Variants in SCFD2 observed in about 807,000 individuals in gnomAD.
SCFD2 encodes sec1 family domain-containing protein 2.
A neutral mutation model predicts 58.9 loss-of-function variants in SCFD2; 54 were observed. The ratio of observed to expected loss-of-function variants is 0.92; its 90% CI spans 0.74 to 1.15. The LOEUF (loss-of-function observed/expected upper bound fraction) is 1.15. SCFD2 is among the 50% of genes most tolerant of loss of function. The probability of loss-of-function intolerance (pLI) is 0.00; values close to 1 mark genes in which losing one functional copy is unlikely to be tolerated. For synonymous variants in SCFD2, 321 were observed against 335.9 expected (o/e 0.96, Z 0.49); for missense variants, 805 against 836.6 (o/e 0.96, Z 0.47).
chr4:52,965,679 C>T (rs1415239051), intron 5 of SCFD2, among the ~76,000 whole-genome samples: 1 of 152,188 alleles, frequency 6.6e-6, no homozygotes, highest in Non-Finnish European at 1.5e-5. Flanking sequence ...AGCCAGCAAG[C>T]CTGGCTGGGT....
chr4:52,896,761 A>G (rs1027712463), intron 7 of SCFD2, among the ~76,000 whole-genome samples: 2 of 152,158 alleles, frequency 1.3e-5, no homozygotes, highest in Non-Finnish European at 2.9e-5. Context: ...CAGCATGGCC[A>G]TTTTCACGAT....
At chr4:52,908,320 C>T (rs547802148) in intron 6 of SCFD2, among the ~76,000 whole-genome samples, 11 of 152,336 alleles carry the variant, frequency 7.2e-5, no homozygotes, top group African/African-American at 2.6e-4. Context: ...TGACCCTGCG[C>T]TTTCTGAGCT....
intron 5 of SCFD2, among the ~76,000 whole-genome samples, chr4:52,955,548 G>A (rs1720692127): frequency 6.6e-6 from 1 of 152,216 alleles, no homozygotes; most frequent in South Asian, 2.1e-4. Context: ...GAGGCACAGA[G>A]GGGTTAAGTG....
At chr4:52,969,318 A>G (rs1224518820) in intron 5 of SCFD2, among the ~76,000 whole-genome samples, 1 of 152,246 alleles carries the variant, frequency 6.6e-6, no homozygotes, top group Non-Finnish European at 1.5e-5. Flanking sequence ...AGTAAGTATC[A>G]TTGAATAATT....
intron 5 of SCFD2, among the ~76,000 whole-genome samples, chr4:53,100,678 C>G (rs1724808356): frequency 6.6e-6 from 1 of 152,128 alleles, no homozygotes; most frequent in Non-Finnish European, 1.5e-5. Flanking sequence ...ATAAGGCTCC[C>G]TATGGAATCA....
rs573309695 is a variant in SCFD2 at position 53,298,833 on chromosome 4, AG to A, written c.1135+14802del. Among the ~76,000 whole-genome samples the A allele has an allele frequency of 1.5e-3, 232 of 152,266 alleles. 3 individuals carry two copies. Among genetic ancestry groups the A allele is most frequent in the Admixed American group, 0.014 (214 of 15,288 alleles). ...CACCGCTGCTGATACCCAGGCAAAA[AG>A]GGTCTGGAGTGGACCTCCAGTAAAC... On this transcript the variant is annotated intron_variant, in intron 3 of 8. Coordinates refer to ENST00000401642, the MANE Select transcript of SCFD2 (RefSeq NM_152540.4).
intron 5 of SCFD2, among the ~76,000 whole-genome samples, chr4:52,987,481 A>G (rs765244660): frequency 3.3e-5 from 5 of 152,118 alleles, no homozygotes; most frequent in Admixed American, 6.5e-5. Context: ...GCTTTTCTAG[A>G]TCTTGCTCTC....
intron 5 of SCFD2, among the ~76,000 whole-genome samples, chr4:53,012,783 C>A (rs1331999837): frequency 6.7e-6 from 1 of 148,604 alleles, no homozygotes; most frequent in Non-Finnish European, 1.5e-5. Context: ...CAGATTCTTT[C>A]TTTTACCTCC....
At chr4:53,034,691 G>A (rs1270134547) in intron 5 of SCFD2, among the ~76,000 whole-genome samples, 1 of 152,112 alleles carries the variant, frequency 6.6e-6, no homozygotes, top group African/African-American at 2.4e-5. Context: ...CAGACAAACA[G>A]AGAGCCAAAT....
At chr4:53,244,072 G>C (rs1013024437) in intron 4 of SCFD2, among the ~76,000 whole-genome samples, 1 of 152,000 alleles carries the variant, frequency 6.6e-6, no homozygotes, top group African/African-American at 2.4e-5. Flanking sequence ...CCTAACACAG[G>C]AGCATCCAGA....
chr4:53,353,283 GTTCA>G (rs1380544550), intron 1 of SCFD2, among the ~76,000 whole-genome samples: 2 of 152,084 alleles, frequency 1.3e-5, no homozygotes, highest in Non-Finnish European at 2.9e-5. Context: ...CTCTGGGGTT[GTTCA>G]TCCCTCCCAG....
intron 4 of SCFD2, among the ~76,000 whole-genome samples, chr4:53,163,107 C>T (rs1021637409): frequency 8.5e-5 from 13 of 152,126 alleles, no homozygotes; most frequent in Non-Finnish European, 1.3e-4. Context: ...TCAGTGGAGC[C>T]GGGACAAGGC....
chr4:53,029,620 T>C (rs1722565772), intron 5 of SCFD2, among the ~76,000 whole-genome samples: 1 of 152,218 alleles, frequency 6.6e-6, no homozygotes, highest in Admixed American at 6.5e-5. Context: ...AGAAGCACTA[T>C]GGTAGGTCTT....
intron 5 of SCFD2, among the ~76,000 whole-genome samples, chr4:53,038,292 G>A (rs1722813154): frequency 1.3e-5 from 2 of 152,124 alleles, no homozygotes; most frequent in Non-Finnish European, 2.9e-5. Flanking sequence ...CCAGCCTCCT[G>A]GAGTTGGCAA....
intron 4 of SCFD2, among the ~76,000 whole-genome samples, chr4:53,183,274 C>T (rs571775806): frequency 4.6e-5 from 7 of 152,054 alleles, no homozygotes; most frequent in African/African-American, 7.2e-5. Context: ...AACAATAGAC[C>T]GGATTATGAA....
intron 4 of SCFD2, among the ~76,000 whole-genome samples, chr4:53,259,894 C>A (rs1331732351): frequency 1.3e-5 from 2 of 151,530 alleles, no homozygotes; most frequent in South Asian, 2.1e-4. Flanking sequence ...TGATTTCTTG[C>A]AGTAGTGTTT....
intron 5 of SCFD2, among the ~76,000 whole-genome samples, chr4:53,042,493 G>A (rs1722923935): frequency 6.6e-6 from 1 of 152,100 alleles, no homozygotes; most frequent in South Asian, 2.1e-4. Flanking sequence ...CAGTCCAGTA[G>A]AGAAAAAGGA....
At chr4:52,886,454 G>A (rs996054613) in intron 7 of SCFD2, among the ~76,000 whole-genome samples, 12 of 152,216 alleles carry the variant, frequency 7.9e-5, no homozygotes, top group Non-Finnish European at 1.6e-4. Flanking sequence ...CAAGAACTCA[G>A]GAACCACCAA....
intron 6 of SCFD2, among the ~76,000 whole-genome samples, chr4:52,916,552 C>T (rs1485415485): frequency 2.0e-5 from 3 of 152,162 alleles, no homozygotes; most frequent in South Asian, 2.1e-4. Flanking sequence ...CCAGCTTCTG[C>T]GACAGAGTGA....
Sources: gnomAD v4.1 joint callset for allele counts (sites outside exome capture counted in the v4.1 genomes callset) on GRCh38, gnomAD v4.1.1 for gene constraint, MANE v1.5 for transcripts, NCBI Gene and HGNC (gene_info 2026-07-23, HGNC 2026-07-21) for gene names.